The following CEP170 variants were observed in gnomAD, a reference collection of about 807,000 sequenced individuals.
The protein encoded by CEP170 is centrosomal protein 170.
Under a neutral mutation model 151.9 loss-of-function variants are expected in CEP170, and 21 were observed. The ratio of observed to expected loss-of-function variants is 0.14; its 90% CI spans 0.10 to 0.20. CEP170 has a LOEUF of 0.20. Among genes scored for constraint, CEP170 ranks in the 10% least tolerant of loss-of-function variants. The probability of loss-of-function intolerance (pLI) is 1.00; values close to 1 mark genes in which losing one functional copy is unlikely to be tolerated. For synonymous variants in CEP170, 356 were observed against 648.8 expected (o/e 0.55, Z 6.86); for missense variants, 964 against 1,892.9 (o/e 0.51, Z 9.11).
chr1:243,152,610 C>A (rs1285587347), intron 14 of CEP170, among the ~76,000 whole-genome samples: 1 of 139,232 alleles, frequency 7.2e-6, no homozygotes, highest in African/African-American at 2.7e-5. Context: ...CGGCTCACTG[C>A]AACCTCTGCC....
At chr1:243,211,266 T>A (rs2148906585) in intron 4 of CEP170, 1 of 152,222 alleles carries the variant, frequency 6.6e-6, no homozygotes, top group African/African-American at 2.4e-5. Flanking sequence ...TTCTTCACGC[T>A]GCCCCATGCA....
chr1:243,254,834 G>A (rs2066453487), intron 1 of CEP170, among the ~76,000 whole-genome samples: 1 of 151,766 alleles, frequency 6.6e-6, no homozygotes, highest in Non-Finnish European at 1.5e-5. Context: ...TCAAGCCCCG[G>A]GTCCCAGGCG....
At chr1:243,134,284 A>T (rs1279355784) in intron 17 of CEP170, among the ~76,000 whole-genome samples, 1 of 152,206 alleles carries the variant, frequency 6.6e-6, no homozygotes, top group African/African-American at 2.4e-5. Flanking sequence ...AAGTACCTAG[A>T]ATGTACCTAA....
intron 3 of CEP170, among the ~76,000 whole-genome samples, chr1:243,218,280 G>A (rs2148960484): frequency 6.6e-6 from 1 of 152,338 alleles, no homozygotes. Flanking sequence ...AACACAGACT[G>A]CTGATGGGGG....
At chr1:243,159,659 T>C (rs559400646) in intron 13 of CEP170, among the ~76,000 whole-genome samples, 1 of 152,244 alleles carries the variant, frequency 6.6e-6, no homozygotes, top group Non-Finnish European at 1.5e-5. Flanking sequence ...AGGTCTTACC[T>C]TGCTGAAATC....
intron 14 of CEP170, among the ~76,000 whole-genome samples, chr1:243,155,110 A>C (rs1179522755): frequency 6.6e-6 from 1 of 152,216 alleles, no homozygotes; most frequent in African/African-American, 2.4e-5. Context: ...AACTAGAACA[A>C]CTGGCTTAAA....
chr1:243,240,970 G>T (rs2149124922), intron 1 of CEP170, among the ~76,000 whole-genome samples: 1 of 152,266 alleles, frequency 6.6e-6, no homozygotes, highest in South Asian at 2.1e-4. Context: ...TAGGATTACA[G>T]GTGTAAGCCA....
chr1:243,219,062 C>G (rs1254228244), intron 3 of CEP170, among the ~76,000 whole-genome samples: 1 of 152,148 alleles, frequency 6.6e-6, no homozygotes, highest in Non-Finnish European at 1.5e-5. Flanking sequence ...GTTGGTAGTT[C>G]ATAGACTTTT....
At position 243,190,287 on chromosome 1, in the gene CEP170, C is replaced by T. The variant is rs560298329; in HGVS notation, c.1108+731G>A. Among the ~76,000 whole-genome samples, 276 of 152,192 alleles carry T rather than the reference C, an allele frequency of 1.8e-3. 2 individuals carry two copies. Among genetic ancestry groups the T allele is most frequent in the African/African-American group, 6.4e-3 (265 of 41,538 alleles). ...AAAGATAGGGTAACATAAATCTATA[C>T]TCAATTCTAAAATAAATTTAATTGG... On this transcript the variant is annotated intron_variant, in intron 8 of 19. Coordinates refer to ENST00000366542, the MANE Select transcript of CEP170 (RefSeq NM_014812.3).
At position 243,185,727 on chromosome 1, in the gene CEP170, G is replaced by A. The variant is rs551658231; in HGVS notation, c.1566+52C>T. Reference sequence around the variant, plus strand: ...GCTGACTCTCCAATAATTTCCACCAGTCAAATACACCACACAACAACTAAG... The same window carrying A: ...GCTGACTCTCCAATAATTTCCACCAATCAAATACACCACACAACAACTAAG... On this transcript the variant is annotated intron_variant, in intron 10 of 19. Coordinates refer to ENST00000366542, the MANE Select transcript of CEP170 (RefSeq NM_014812.3). The surrounding 1 kb of genome is among the most constrained non-coding windows in gnomAD (Gnocchi z 4.9). 1.1e-4 allele frequency: 166 copies of A among 1,524,724 alleles called. 1 individual carries two copies. The South Asian group carries it at 2.1e-3, about 19-fold the overall frequency. The allele number at this position is 1,524,724 out of a possible 1,614,324, so 94.4% of individuals were successfully genotyped here.
At chr1:243,218,498 G>A (rs1200653110) in intron 3 of CEP170, among the ~76,000 whole-genome samples, 1 of 152,202 alleles carries the variant, frequency 6.6e-6, no homozygotes, top group Admixed American at 6.5e-5. Context: ...AGCTTTCTCA[G>A]GCAGAACAAC....
At chr1:243,219,554 C>A (rs545139605) in intron 3 of CEP170, among the ~76,000 whole-genome samples, 5 of 152,248 alleles carry the variant, frequency 3.3e-5, no homozygotes, top group African/African-American at 1.2e-4. Flanking sequence ...ATTTTTGGAA[C>A]CAATACCAAG....
intron 13 of CEP170, among the ~76,000 whole-genome samples, chr1:243,158,241 AC>A (rs1247242703): frequency 1.3e-5 from 2 of 152,248 alleles, no homozygotes; most frequent in African/African-American, 2.4e-5. Context: ...TTTCAAAAAA[AC>A]ATTTCATTAA....
intron 14 of CEP170, 127 bp from the exon 15 acceptor site, chr1:243,142,590 T>C (rs2055976016): frequency 1.6e-6 from 1 of 628,734 alleles, no homozygotes; most frequent in African/African-American, 1.9e-5. Flanking sequence ...AAATTAACTA[T>C]TAACTATTTT....
At chr1:243,205,266 G>A (rs1212617980) in intron 4 of CEP170, among the ~76,000 whole-genome samples, 1 of 152,126 alleles carries the variant, frequency 6.6e-6, no homozygotes, top group Non-Finnish European at 1.5e-5. Flanking sequence ...CCCACACATA[G>A]GGCCAGGAAT....
chr1:243,136,302 G>A, intron 16 of CEP170, 71 bp from the exon 17 acceptor site: 1 of 1,004,660 alleles, frequency 1.0e-6, no homozygotes. Flanking sequence ...GAGATCACTA[G>A]TCACAAGTCA....
chr1:243,147,789 C>T (rs1018211403), intron 14 of CEP170, among the ~76,000 whole-genome samples: 12 of 152,084 alleles, frequency 7.9e-5, no homozygotes, highest in South Asian at 4.1e-4. Flanking sequence ...GGAACTTCTA[C>T]GTAAAAATTT....
rs2148466347 is a variant in CEP170 at position 243,156,475 on chromosome 1, A to T, written c.3677-20T>A. On this transcript the variant is annotated intron_variant, in intron 13 of 19. Coordinates refer to ENST00000366542, the MANE Select transcript of CEP170 (RefSeq NM_014812.3). ...AATTTACTAAATTAGTTTAATTATTAAAAAAAGAATTATTATGTTATCATT... is the reference window on the plus strand; with the variant it reads ...AATTTACTAAATTAGTTTAATTATTTAAAAAAGAATTATTATGTTATCATT... The T allele has an allele frequency of 2.0e-6, 3 of 1,521,562 alleles. No homozygotes were observed. Among genetic ancestry groups the T allele is most frequent in the South Asian group, 1.3e-5 (1 of 78,676 alleles). 94.3% of individuals were successfully genotyped at this position (1,521,562 alleles called of 1,614,324 possible). A position where few individuals can be genotyped will look rare whatever the true frequency, so the allele number is the denominator to read the frequency against.
intron 13 of CEP170, among the ~76,000 whole-genome samples, chr1:243,159,142 G>A (rs1360964701): frequency 6.6e-6 from 1 of 152,092 alleles, no homozygotes; most frequent in Non-Finnish European, 1.5e-5. Flanking sequence ...AACATCTTTA[G>A]GTATGTTCTT....
Sources: gnomAD v4.1 joint callset for allele counts (sites outside exome capture counted in the v4.1 genomes callset) on GRCh38, gnomAD v4.1.1 for gene constraint, Gnocchi (gnomAD v3.1) non-coding constraint, MANE v1.5 for transcripts, NCBI Gene and HGNC (gene_info 2026-07-23, HGNC 2026-07-21) for gene names.